OPCML: variants seen among roughly 807,000 people sequenced by gnomAD.
OPCML encodes opioid-binding protein/cell adhesion molecule.
A neutral mutation model predicts 37.8 loss-of-function variants in OPCML; 13 were observed. The ratio of observed to expected loss-of-function variants is 0.34; its 90% CI spans 0.22 to 0.55. OPCML has a LOEUF of 0.55. Ranked by LOEUF, OPCML falls within the 20% of genes least tolerant of loss-of-function variation. The probability of loss-of-function intolerance (pLI) is 0.91; values close to 1 mark genes in which losing one functional copy is unlikely to be tolerated. For synonymous variants in OPCML, 176 were observed against 168.8 expected (o/e 1.04, Z -0.33); for missense variants, 341 against 435.6 (o/e 0.78, Z 1.93).
At position 133,128,041 on chromosome 11, in the gene OPCML, G is replaced by A. The variant is rs201167673; in HGVS notation, c.62-185031C>T. On this transcript the variant is annotated intron_variant, in intron 1 of 7. Transcript: ENST00000524381. ...CACCACAGCATGACTGTTTTCCCTTGAGTTTTTTCAGGAATCCCTTATGTG... is the reference window on the plus strand; with the variant it reads ...CACCACAGCATGACTGTTTTCCCTTAAGTTTTTTCAGGAATCCCTTATGTG... 6.6e-5 allele frequency among the ~76,000 whole-genome samples: 10 copies of A among 152,176 alleles called. No homozygotes were observed. In the East Asian group the frequency reaches 1.9e-3, roughly 29 times the overall value.
At chr11:132,466,923 G>C (rs1293559157) in intron 4 of OPCML, among the ~76,000 whole-genome samples, 2 of 152,028 alleles carry the variant, frequency 1.3e-5, no homozygotes, top group Non-Finnish European at 2.9e-5. Flanking sequence ...CTTCAAATTT[G>C]AAAAAAGAAG....
At chr11:132,646,371 T>C (rs998138115) in intron 3 of OPCML, among the ~76,000 whole-genome samples, 7 of 152,226 alleles carry the variant, frequency 4.6e-5, no homozygotes, top group African/African-American at 1.7e-4. Context: ...GGCCCTGGAT[T>C]GCTCAGCACT....
Position 132,948,177 on chromosome 11 carries a change from G to A in OPCML, c.62-5167C>T, listed in dbSNP as rs554429874. ...AGGCTGGTAAGAAGACAGACACAGA[G>A]ACGACTGCCTTGAAAGATGAGTTTA... On this transcript the variant is annotated intron_variant, in intron 1 of 7. Coordinates refer to ENST00000524381, the MANE Select transcript of OPCML (RefSeq NM_001012393.5). Among the ~76,000 whole-genome samples the A allele has an allele frequency of 3.9e-5, 6 of 152,354 alleles. No homozygotes were observed. The East Asian group carries it at 9.7e-4, about 25-fold the overall frequency.
intron 4 of OPCML, among the ~76,000 whole-genome samples, chr11:132,501,351 C>T (rs185177160): frequency 6.6e-6 from 1 of 152,178 alleles, no homozygotes; most frequent in Non-Finnish European, 1.5e-5. Flanking sequence ...ACACCAAAAG[C>T]AATTGCAACA....
intron 1 of OPCML, among the ~76,000 whole-genome samples, chr11:133,043,811 T>G (rs1346337398): frequency 6.6e-6 from 1 of 152,220 alleles, no homozygotes; most frequent in Non-Finnish European, 1.5e-5. Flanking sequence ...AGATCTCAAA[T>G]AATTGCAAGC....
At chr11:132,891,932 C>T (rs1262245140) in intron 2 of OPCML, among the ~76,000 whole-genome samples, 2 of 151,176 alleles carry the variant, frequency 1.3e-5, no homozygotes, top group Non-Finnish European at 2.9e-5. Context: ...ACCCTCCTGT[C>T]TGAGGGTTCC....
At chr11:132,420,398 C>A in intron 7 of OPCML, 105 bp from the exon 8 acceptor site, 1 of 1,481,870 alleles carries the variant, frequency 6.7e-7, no homozygotes, top group South Asian at 1.4e-5. Context: ...TTCCACCCTT[C>A]CGCTGACCAT....
intron 3 of OPCML, among the ~76,000 whole-genome samples, chr11:132,552,761 C>CCCTTTTTTTTTTTTTT (rs1337627753): frequency 5.9e-5 from 4 of 67,476 alleles, no homozygotes; most frequent in African/African-American, 4.3e-4. Context: ...TTAAACACTA[C>CCCTTTTTTTTTTTTTT]TCTTTTTTTT....
At chr11:133,001,327 G>T (rs140597946) in intron 1 of OPCML, among the ~76,000 whole-genome samples, 45 of 152,214 alleles carry the variant, frequency 3.0e-4, no homozygotes, top group African/African-American at 1.0e-3. Flanking sequence ...CCAATGCATG[G>T]CCCCTTCCTT....
intron 1 of OPCML, among the ~76,000 whole-genome samples, chr11:133,092,491 C>T (rs1427307914): frequency 1.3e-5 from 2 of 152,022 alleles, no homozygotes; most frequent in African/African-American, 4.8e-5. Context: ...GGGAGGGAAG[C>T]TGAGGCGGGC....
chr11:133,198,792 G>A (rs1938641589), intron 1 of OPCML, among the ~76,000 whole-genome samples: 1 of 152,210 alleles, frequency 6.6e-6, no homozygotes, highest in African/African-American at 2.4e-5. Flanking sequence ...GGGAGGGCCT[G>A]GCAGAGGCTG....
intron 1 of OPCML, among the ~76,000 whole-genome samples, chr11:132,990,576 A>G (rs879004516): frequency 6.6e-6 from 1 of 152,216 alleles, no homozygotes; most frequent in Admixed American, 6.5e-5. Flanking sequence ...TCACCTAGAA[A>G]TGAGAATTGC....
chr11:132,751,262 C>T (rs368722660), intron 2 of OPCML, among the ~76,000 whole-genome samples: 6 of 152,076 alleles, frequency 3.9e-5, no homozygotes, highest in South Asian at 4.1e-4. Flanking sequence ...CTTTCCTGCC[C>T]GGGGTGTCCA....
At chr11:133,393,671 C>G (rs1198278545) in intron 1 of OPCML, among the ~76,000 whole-genome samples, 1 of 152,190 alleles carries the variant, frequency 6.6e-6, no homozygotes. Context: ...TCCAGTATCC[C>G]TCATCCAGGA....
At chr11:132,970,391 G>A (rs1174319695) in intron 1 of OPCML, among the ~76,000 whole-genome samples, 1 of 151,828 alleles carries the variant, frequency 6.6e-6, no homozygotes, top group East Asian at 1.9e-4. Context: ...AGAAATATTA[G>A]GACAAAAAAA....
chr11:133,156,365 T>A (rs1464457769), intron 1 of OPCML, among the ~76,000 whole-genome samples: 2 of 152,218 alleles, frequency 1.3e-5, no homozygotes, highest in South Asian at 4.1e-4. Flanking sequence ...CAACTCTTCC[T>A]CAGCCTAGGT....
chr11:132,843,753 C>G (rs924107333), intron 2 of OPCML, among the ~76,000 whole-genome samples: 4 of 152,166 alleles, frequency 2.6e-5, no homozygotes, highest in African/African-American at 9.7e-5. Flanking sequence ...ATCATCACTG[C>G]GAAGGACAGG....
chr11:133,011,830 G>T (rs1308492739), intron 1 of OPCML, among the ~76,000 whole-genome samples: 2 of 152,134 alleles, frequency 1.3e-5, no homozygotes, highest in Non-Finnish European at 2.9e-5. Flanking sequence ...TATCTCTTCT[G>T]CAAATAGCAT....
chr11:132,948,119 T>C (rs1945785093), intron 1 of OPCML, among the ~76,000 whole-genome samples: 1 of 152,204 alleles, frequency 6.6e-6, no homozygotes, highest in African/African-American at 2.4e-5. Context: ...GGTTTGAGGT[T>C]TCTTGAAATG....
Sources: gnomAD v4.1 joint callset for allele counts (sites outside exome capture counted in the v4.1 genomes callset) on GRCh38, gnomAD v4.1.1 for gene constraint, MANE v1.5 for transcripts, NCBI Gene and HGNC (gene_info 2026-07-23, HGNC 2026-07-21) for gene names.